Variants in COL21A1 observed in about 807,000 individuals in gnomAD.
The protein encoded by COL21A1 is collagen alpha-1(XXI) chain.
A neutral mutation model predicts 137.9 loss-of-function variants in COL21A1; 149 were observed. That is an observed-to-expected ratio of 1.08 (90% confidence interval 0.95 to 1.24). COL21A1 has a LOEUF of 1.24. Ranked by LOEUF, COL21A1 falls within the 50% of genes most tolerant of loss-of-function variation. The pLI, the probability that COL21A1 is intolerant of heterozygous loss-of-function variation, is 0.00. For missense variants in COL21A1, 1,167 were observed against 1,158.4 expected (o/e 1.01, Z -0.11); for synonymous variants, 456 against 391.5 (o/e 1.16, Z -1.95).
intron 1 of COL21A1, among the ~76,000 whole-genome samples, chr6:56,192,343 G>C (rs1778743349): frequency 1.3e-5 from 2 of 152,058 alleles, no homozygotes; most frequent in African/African-American, 4.8e-5. Context: ...TGCTAAAATT[G>C]ACAAATGGGA....
chr6:56,066,670 TCAGTC>T (rs1292562985), intron 23 of COL21A1, among the ~76,000 whole-genome samples: 1 of 151,760 alleles, frequency 6.6e-6, no homozygotes, highest in Non-Finnish European at 1.5e-5. Context: ...TATTCAAAAG[TCAGTC>T]TTCAGTGAAT....
chr6:56,344,412 T>C (rs1380916983), intron 1 of COL21A1, among the ~76,000 whole-genome samples: 3 of 152,228 alleles, frequency 2.0e-5, no homozygotes, highest in African/African-American at 4.8e-5. Flanking sequence ...AAAAATTCCA[T>C]GAAACTAAAT....
intron 1 of COL21A1, among the ~76,000 whole-genome samples, chr6:56,214,907 CA>C (rs1288383266): frequency 1.6e-4 from 25 of 151,942 alleles, no homozygotes; most frequent in Non-Finnish European, 1.3e-4. Context: ...CTTTTAGGCA[CA>C]ACAAATAAAA....
rs187679202 is a variant in COL21A1, at chr6:56,226,938, G to A, written c.-39+20449C>T. ...GATTCCCATCTCTGTGGGATGGCTCGTATAGGGGGAGCCCACAAACAGTAT... is the reference window on the plus strand; with the variant it reads ...GATTCCCATCTCTGTGGGATGGCTCATATAGGGGGAGCCCACAAACAGTAT... On this transcript the variant is annotated intron_variant, in intron 1 of 29. Coordinates refer to ENST00000244728, the MANE Select transcript of COL21A1 (RefSeq NM_030820.4). 3.1e-3 allele frequency among the ~76,000 whole-genome samples: 472 copies of A among 151,906 alleles called. 6 individuals are homozygous for A. Among genetic ancestry groups the A allele is most frequent in the South Asian group, 7.9e-3 (38 of 4,800 alleles).
chr6:56,357,196 T>C (rs886765809), intron 1 of COL21A1, among the ~76,000 whole-genome samples: 4 of 152,192 alleles, frequency 2.6e-5, no homozygotes, highest in Admixed American at 1.3e-4. Context: ...GAATAATCCG[T>C]AAATTAGAGA....
At position 56,087,061 on chromosome 6, in the gene COL21A1, CTTTTGTTTTGTTTTGTTTTG is replaced by C. The variant is rs58458377; in HGVS notation, c.1813-9508_1813-9489del. Among the ~76,000 whole-genome samples, 227 of 149,006 alleles carry C rather than the reference CTTTTGTTTTGTTTTGTTTTG, an allele frequency of 1.5e-3. 1 individual carries two copies. Among genetic ancestry groups the C allele is most frequent in the African/African-American group, 4.9e-3 (196 of 40,404 alleles). On this transcript the variant is annotated intron_variant, in intron 17 of 29. Transcript: ENST00000244728. ...TATCTTGGGACCCTTGTCCCTTCACCTTTTGTTTTGTTTTGTTTTGTTTTGTTTTGTTTTGTTTTGTTTTG... is the reference window on the plus strand; with the variant it reads ...TATCTTGGGACCCTTGTCCCTTCACCTTTTGTTTTGTTTTGTTTTGTTTTG...
chr6:56,291,130 A>G (rs887326597), intron 1 of COL21A1, among the ~76,000 whole-genome samples: 4 of 152,184 alleles, frequency 2.6e-5, no homozygotes, highest in African/African-American at 4.8e-5. Flanking sequence ...AACAGTGAGA[A>G]TCTTGTATAA....
intron 17 of COL21A1, among the ~76,000 whole-genome samples, chr6:56,100,045 A>G (rs961203142): frequency 7.2e-5 from 11 of 152,232 alleles, no homozygotes; most frequent in African/African-American, 2.7e-4. Flanking sequence ...AATAAGGTTT[A>G]CTTTTCAAAC....
At chr6:56,331,019 A>G (rs1765208912) in intron 1 of COL21A1, among the ~76,000 whole-genome samples, 1 of 151,948 alleles carries the variant, frequency 6.6e-6, no homozygotes, top group Non-Finnish European at 1.5e-5. Context: ...TCTCATTGTC[A>G]TTTTAATTTG....
intron 1 of COL21A1, among the ~76,000 whole-genome samples, chr6:56,308,059 AC>A (rs1462897655): frequency 6.6e-6 from 1 of 152,096 alleles, no homozygotes; most frequent in African/African-American, 2.4e-5. Context: ...GGTGTGAATG[AC>A]CCCCAACACT....
At chr6:56,184,147 G>T (rs1460901172) in intron 1 of COL21A1, among the ~76,000 whole-genome samples, 2 of 152,014 alleles carry the variant, frequency 1.3e-5, no homozygotes, top group Non-Finnish European at 2.9e-5. Flanking sequence ...AAAATTTTCC[G>T]AATTAATGAA....
At position 56,077,558 on chromosome 6, in the gene COL21A1, G is replaced by A; in HGVS notation, c.1828C>T (p.Pro610Ser). ...TRGEPGIPGF[P>S]GNRGLMGQKG... ...TGGCCCATTAATCCTCGGTTTCCAG[G>A]AAATCCTGGGATTCCCTAAAAACAA... Residue 610 changes from proline (P) to serine (S), a missense_variant, in exon 18 of 30, where the codon CCT becomes TCT. Coordinates refer to ENST00000244728, the MANE Select transcript of COL21A1 (RefSeq NM_030820.4). 6.4e-7 allele frequency: 1 copy of A among 1,574,780 alleles called. No homozygotes were observed.
intron 1 of COL21A1, among the ~76,000 whole-genome samples, chr6:56,261,536 A>T (rs577033532): frequency 2.0e-5 from 3 of 152,320 alleles, no homozygotes; most frequent in East Asian, 1.9e-4. Context: ...GCAAGAAGGC[A>T]TCATCTGTGG....
chr6:56,070,634 T>C, intron 21 of COL21A1, 111 bp downstream of exon 21: 1 of 653,134 alleles, frequency 1.5e-6, no homozygotes, highest in Non-Finnish European at 2.5e-6. Flanking sequence ...ATAAAGGTAA[T>C]CCTTAACTTC....
chr6:56,288,743 T>C (rs180746388), intron 1 of COL21A1, among the ~76,000 whole-genome samples: 2 of 152,326 alleles, frequency 1.3e-5, no homozygotes, highest in Admixed American at 6.5e-5. Flanking sequence ...TTAGCTGCCA[T>C]TCACGGTTCC....
intron 1 of COL21A1, among the ~76,000 whole-genome samples, chr6:56,261,904 T>C (rs1763286060): frequency 1.3e-5 from 2 of 152,188 alleles, no homozygotes; most frequent in Non-Finnish European, 1.5e-5. Context: ...TGGAAGAATA[T>C]GGACCTTACC....
At chr6:56,113,647 A>G (rs1208017966) in intron 16 of COL21A1, among the ~76,000 whole-genome samples, 1 of 152,104 alleles carries the variant, frequency 6.6e-6, no homozygotes, top group African/African-American at 2.4e-5. Flanking sequence ...TGTGGTGGCT[A>G]TGGGGTAAAA....
At chr6:56,276,417 G>T (rs1763654775) in intron 1 of COL21A1, 1 of 572,516 alleles carries the variant, frequency 1.7e-6, no homozygotes, top group Admixed American at 3.6e-5. Flanking sequence ...TTCCTGTTTT[G>T]ATCTTTTTTT....
intron 1 of COL21A1, among the ~76,000 whole-genome samples, chr6:56,334,196 C>T (rs560524720): frequency 6.6e-6 from 1 of 152,192 alleles, no homozygotes; most frequent in African/African-American, 2.4e-5. Flanking sequence ...TATGTATATA[C>T]TTGTCCATCT....
Sources: allele counts gnomAD v4.1 joint callset (sites outside exome capture counted in the v4.1 genomes callset), GRCh38; gene constraint gnomAD v4.1.1; transcripts MANE v1.5; gene names NCBI Gene and HGNC (gene_info 2026-07-23, HGNC 2026-07-21).